The following GPRIN3 variants were observed in gnomAD, a reference collection of about 807,000 sequenced individuals.
The protein encoded by GPRIN3 is GPRIN family member 3, also known as G protein-regulated inducer of neurite outgrowth 3.
A neutral mutation model predicts 13.7 loss-of-function variants in GPRIN3; 12 were observed. That is an observed-to-expected ratio of 0.87 (90% confidence interval 0.56 to 1.42). The LOEUF (loss-of-function observed/expected upper bound fraction) is 1.42. Among genes scored for constraint, GPRIN3 ranks in the 40% most tolerant of loss-of-function variants. GPRIN3 has a pLI of 0.00. For missense variants in GPRIN3, 1,009 were observed against 958.7 expected (o/e 1.05, Z -0.69); for synonymous variants, 377 against 372.7 (o/e 1.01, Z -0.13).
rs1048230168 is a variant in GPRIN3, at chr4:89,307,667, G to T, written c.-176C>A. On this transcript the variant is annotated 5_prime_UTR_variant, in exon 1 of 2. Transcript: ENST00000609438. ...GGGGCCACTGCCTGCGCTGTGGCGG[G>T]GGCTTCCCGTCGCATATCCCAAGCA... is the stretch of plus-strand genomic sequence containing the variant. The T allele has an allele frequency of 6.6e-6, 1 of 152,210 alleles. No individual in the cohort carries two copies. 9.4% of individuals were successfully genotyped at this position (152,210 alleles called of 1,614,324 possible). A position where few individuals can be genotyped will look rare whatever the true frequency, so the allele number is the denominator to read the frequency against.
intron 1 of GPRIN3, among the ~76,000 whole-genome samples, chr4:89,285,729 A>C (rs576838342): frequency 2.0e-4 from 31 of 152,276 alleles, no homozygotes; most frequent in African/African-American, 7.5e-4. Flanking sequence ...CTGTAAACAA[A>C]CTGAAACTGA....
chr4:89,281,962 CT>C (rs34213357), intron 1 of GPRIN3, among the ~76,000 whole-genome samples: 9,041 of 136,416 alleles, frequency 0.066, 701 homozygotes, highest in African/African-American at 0.2. Flanking sequence ...ATGCAGTCAT[CT>C]TTTTTTTTTT....
At chr4:89,266,682 A>G (rs1013950534) in intron 1 of GPRIN3, among the ~76,000 whole-genome samples, 2 of 152,170 alleles carry the variant, frequency 1.3e-5, no homozygotes, top group Admixed American at 6.5e-5. Flanking sequence ...TCCCTATTGT[A>G]ACAAAATGGA....
intron 1 of GPRIN3, among the ~76,000 whole-genome samples, chr4:89,259,868 A>G (rs1046510508): frequency 5.9e-5 from 9 of 152,198 alleles, no homozygotes; most frequent in African/African-American, 1.9e-4. Context: ...CTTTTAGCTC[A>G]CATCAGACAC....
At chr4:89,283,962 A>G (rs1419966719) in intron 1 of GPRIN3, among the ~76,000 whole-genome samples, 1 of 152,212 alleles carries the variant, frequency 6.6e-6, no homozygotes. Flanking sequence ...TGAGGGAAGG[A>G]TGGACCTAGA....
intron 1 of GPRIN3, among the ~76,000 whole-genome samples, chr4:89,281,148 A>T (rs1181526427): frequency 6.6e-6 from 1 of 151,382 alleles, no homozygotes; most frequent in African/African-American, 2.4e-5. Flanking sequence ...TTTTAGATAG[A>T]GTCTCGCTCT....
chr4:89,280,003 C>T (rs537075185), intron 1 of GPRIN3, among the ~76,000 whole-genome samples: 11 of 152,232 alleles, frequency 7.2e-5, no homozygotes, highest in Middle Eastern at 3.4e-3. Flanking sequence ...AAAACTCATC[C>T]GTTTTCACTT....
At chr4:89,257,845 T>C (rs1037289502) in intron 1 of GPRIN3, among the ~76,000 whole-genome samples, 3 of 152,090 alleles carry the variant, frequency 2.0e-5, no homozygotes, top group South Asian at 2.1e-4. Context: ...TAAAGGTCAA[T>C]TGGGCAATAC....
chr4:89,280,785 A>C (rs1030579120), intron 1 of GPRIN3, among the ~76,000 whole-genome samples: 2 of 152,248 alleles, frequency 1.3e-5, no homozygotes, highest in African/African-American at 4.8e-5. Flanking sequence ...AGAAGGGAAG[A>C]AAGTCCTGTG....
At position 89,237,083 on chromosome 4, in the gene GPRIN3, G is replaced by T. The variant is rs905433966; in HGVS notation, c.*10697C>A. The stretch of plus-strand genomic sequence containing the variant: ...AGTTTGATTGAGAGACGTCAAGCGG[G>T]ACTAAAAAAGGTGTAGGGAAATACC... On this transcript the variant is annotated 3_prime_UTR_variant, in exon 2 of 2. Transcript: ENST00000609438. 3 of 152,122 alleles carry T rather than the reference G, an allele frequency of 2.0e-5. No homozygotes were observed. The highest frequency in any genetic ancestry group is 7.2e-5 in the African/African-American group (3 of 41,426). 9.4% of individuals were successfully genotyped at this position (152,122 alleles called of 1,614,324 possible).
chr4:89,269,981 A>G (rs1291000877), intron 1 of GPRIN3, among the ~76,000 whole-genome samples: 4 of 152,210 alleles, frequency 2.6e-5, no homozygotes, highest in African/African-American at 9.7e-5. Flanking sequence ...ATAATGTGCA[A>G]ATCTTGAGTA....
At position 89,248,765 on chromosome 4, in the gene GPRIN3, T is replaced by C. The variant is rs778068103; in HGVS notation, c.1346A>G (p.Glu449Gly). ...RLAGMTPVRE[E>G]STAKKLAGTN... ...ACCTGCGAGCTTTTTAGCAGTTGACTCTTCCCTCACTGGAGTCATTCCTGC... is the reference window on the plus strand; with the variant it reads ...ACCTGCGAGCTTTTTAGCAGTTGACCCTTCCCTCACTGGAGTCATTCCTGC... Residue 449 changes from glutamate (E) to glycine (G), a missense_variant, in exon 2 of 2, where the codon GAG becomes GGG. By Grantham distance (98) the Glu-to-Gly change is moderately conservative (BLOSUM62 -2). Coordinates refer to ENST00000609438, the MANE Select transcript of GPRIN3 (RefSeq NM_198281.3). 69 of 1,614,204 alleles carry C rather than the reference T, an allele frequency of 4.3e-5. No individual in the cohort carries two copies. In the Middle Eastern group the frequency reaches 1.8e-3, roughly 42 times the overall value.
intron 1 of GPRIN3, among the ~76,000 whole-genome samples, chr4:89,263,423 G>C (rs1471140857): frequency 1.3e-5 from 2 of 152,206 alleles, no homozygotes; most frequent in Admixed American, 1.3e-4. Context: ...CACTGGGGTG[G>C]AGGCCCAGGA....
intron 1 of GPRIN3, among the ~76,000 whole-genome samples, chr4:89,283,628 T>A (rs752937672): frequency 6.6e-6 from 1 of 152,072 alleles, no homozygotes; most frequent in East Asian, 1.9e-4. Context: ...GCATAGGGTG[T>A]TATGAGTGCA....
At chr4:89,254,128 G>GGGGTGTGTGTGTGTGTGTGT (rs150483417) in intron 1 of GPRIN3, among the ~76,000 whole-genome samples, 3 of 147,646 alleles carry the variant, frequency 2.0e-5, no homozygotes, top group Admixed American at 6.7e-5. Flanking sequence ...GTTGCATCTG[G>GGGGTGTGTGTGTGTGTGTGT]GTGTGTGTGT....
At chr4:89,296,591 A>C (rs1724743843) in intron 1 of GPRIN3, among the ~76,000 whole-genome samples, 1 of 152,204 alleles carries the variant, frequency 6.6e-6, no homozygotes, top group Admixed American at 6.5e-5. Context: ...TTCTATAAAT[A>C]GTTTCTAGGT....
At chr4:89,259,927 C>T (rs1289124169) in intron 1 of GPRIN3, among the ~76,000 whole-genome samples, 1 of 152,194 alleles carries the variant, frequency 6.6e-6, no homozygotes, top group African/African-American at 2.4e-5. Flanking sequence ...GCCTCAGCCT[C>T]CTGAGCAGCT....
At chr4:89,276,704 G>C (rs1724103428) in intron 1 of GPRIN3, among the ~76,000 whole-genome samples, 1 of 152,204 alleles carries the variant, frequency 6.6e-6, no homozygotes, top group South Asian at 2.1e-4. Context: ...TATTAGCACA[G>C]TACAGTGTTT....
In GPRIN3 at chr4:89,237,248, C is replaced by A. The variant is rs1455223654; in HGVS notation, c.*10532G>T. 3 of 152,172 alleles carry A rather than the reference C, an allele frequency of 2.0e-5. No individual in the cohort carries two copies. The highest frequency in any genetic ancestry group is 4.4e-5 in the Non-Finnish European group (3 of 68,036). 9.4% of individuals were successfully genotyped at this position (152,172 alleles called of 1,614,324 possible). A position where few individuals can be genotyped will look rare whatever the true frequency, so the allele number is the denominator to read the frequency against. On this transcript the variant is annotated 3_prime_UTR_variant, in exon 2 of 2. Transcript: ENST00000609438. Reference sequence around the variant, plus strand: ...CTTCAGAACATTGCTAAGGTAGTTACAAGGGTCTAAACATTTTAGAACTCT... The same window carrying A: ...CTTCAGAACATTGCTAAGGTAGTTAAAAGGGTCTAAACATTTTAGAACTCT...
Sources: allele counts gnomAD v4.1 joint callset (sites outside exome capture counted in the v4.1 genomes callset), GRCh38; gene constraint gnomAD v4.1.1; transcripts MANE v1.5; gene names NCBI Gene and HGNC (gene_info 2026-07-23, HGNC 2026-07-21).